The following WASHC3 variants were observed in gnomAD, a reference collection of about 807,000 sequenced individuals.
The protein encoded by WASHC3 is WASH complex subunit CCDC53.
A neutral mutation model predicts 26.1 loss-of-function variants in WASHC3; 24 were observed. That is an observed-to-expected ratio of 0.92 (90% CI 0.66 to 1.29). The LOEUF is 1.29. WASHC3 is among the 50% of genes most tolerant of loss of function. WASHC3 has a pLI of 0.00. For synonymous variants in WASHC3, 77 were observed against 75.7 expected (o/e 1.02, Z -0.09); for missense variants, 214 against 229.6 (o/e 0.93, Z 0.44).
Position 102,061,906 on chromosome 12 carries a change from A to G in WASHC3, c.51+6T>C. Reference sequence around the variant, plus strand: ...CGTCGGGAGTCTAGCACCGTCTTTTACAAACCTTGGTCAGGTCTATGCCTG... The same window carrying G: ...CGTCGGGAGTCTAGCACCGTCTTTTGCAAACCTTGGTCAGGTCTATGCCTG... On this transcript the variant is annotated splice_donor_region_variant and intron_variant, in intron 1 of 6. Coordinates refer to ENST00000240079, the MANE Select transcript of WASHC3 (RefSeq NM_016053.4). 6.3e-7 allele frequency: 1 copy of G among 1,595,742 alleles called. No homozygotes were observed. The highest frequency in any genetic ancestry group is 8.5e-7 in the Non-Finnish European group (1 of 1,170,338).
At chr12:102,039,796 A>G in intron 5 of WASHC3, 72 bp downstream of exon 5, 1 of 612,902 alleles carries the variant, frequency 1.6e-6, no homozygotes, top group East Asian at 2.8e-5. Context: ...GAAAAAAATA[A>G]CAGTAAAACC....
chr12:102,039,009 A>G (rs958477293), intron 5 of WASHC3, among the ~76,000 whole-genome samples: 2 of 151,944 alleles, frequency 1.3e-5, no homozygotes, highest in Non-Finnish European at 2.9e-5. Flanking sequence ...GCTGAAGTAC[A>G]GTGGCACAAT....
intron 2 of WASHC3, chr12:102,048,538 T>A (rs946755887): frequency 4.6e-5 from 7 of 151,860 alleles, no homozygotes; most frequent in Non-Finnish European, 1.0e-4. Context: ...GCATTCCAGC[T>A]TGGGCGACGA....
At chr12:102,025,085 T>G (rs1357328846) in intron 6 of WASHC3, among the ~76,000 whole-genome samples, 3 of 152,192 alleles carry the variant, frequency 2.0e-5, no homozygotes, top group African/African-American at 7.2e-5. Flanking sequence ...AAAGACTACT[T>G]CATAATGTTT....
chr12:102,061,995 C>CA, upstream of WASHC3: 1 of 1,569,640 alleles, frequency 6.4e-7, no homozygotes, highest in Non-Finnish European at 8.7e-7. Flanking sequence ...CGAGTTCACC[C>CA]ACAAACCCCT....
At chr12:102,037,537 G>A (rs186832039) in intron 5 of WASHC3, among the ~76,000 whole-genome samples, 15 of 152,264 alleles carry the variant, frequency 9.9e-5, no homozygotes, top group Non-Finnish European at 1.9e-4. Flanking sequence ...AGTGTTTCAG[G>A]CAGACAGAAC....
At chr12:102,052,610 G>T (rs1257830319) in intron 2 of WASHC3, among the ~76,000 whole-genome samples, 2 of 150,416 alleles carry the variant, frequency 1.3e-5, no homozygotes, top group Non-Finnish European at 3.0e-5. Context: ...GCCTCCATGG[G>T]CCCAAGGTTC....
intron 5 of WASHC3, among the ~76,000 whole-genome samples, chr12:102,038,526 T>TTTG (rs558742136): frequency 3.2e-4 from 48 of 152,092 alleles, no homozygotes; most frequent in Middle Eastern, 3.4e-3. Context: ...TGAAATAGTT[T>TTTG]TTGTTGTTGT....
chr12:102,054,673 T>G (rs1174272231), intron 2 of WASHC3, among the ~76,000 whole-genome samples: 1 of 152,160 alleles, frequency 6.6e-6, no homozygotes, highest in East Asian at 1.9e-4. Flanking sequence ...CAAAACAAAT[T>G]TTAATACATT....
intron 5 of WASHC3, among the ~76,000 whole-genome samples, chr12:102,035,462 T>A (rs760761603): frequency 1.3e-5 from 2 of 151,924 alleles, no homozygotes; most frequent in Non-Finnish European, 2.9e-5. Context: ...GAAGAAGGAG[T>A]GAATTTATAG....
intron 2 of WASHC3, among the ~76,000 whole-genome samples, chr12:102,054,700 G>A (rs971912463): frequency 5.9e-5 from 9 of 152,064 alleles, no homozygotes; most frequent in Non-Finnish European, 8.8e-5. Flanking sequence ...GACTGAAATC[G>A]TATCAAGTAT....
chr12:102,046,162 A>C, intron 2 of WASHC3, 43 bp from the exon 3 acceptor site: 1 of 1,134,782 alleles, frequency 8.8e-7, no homozygotes, highest in Non-Finnish European at 1.3e-6. Flanking sequence ...TAATTAAAAT[A>C]AACTGTTAAC....
chr12:102,062,114 C>A (rs561688717), upstream of WASHC3: 5 of 614,178 alleles, frequency 8.1e-6, no homozygotes, highest in Non-Finnish European at 1.4e-5. Context: ...ACTAATCACT[C>A]GGCGGCTTCC....
chr12:102,026,878 C>G (rs939210236), intron 5 of WASHC3, among the ~76,000 whole-genome samples: 1 of 152,108 alleles, frequency 6.6e-6, no homozygotes. Flanking sequence ...ATTCTATCTC[C>G]TTAAAGGAGG....
At chr12:102,057,015 C>T (rs1339061230) in intron 2 of WASHC3, among the ~76,000 whole-genome samples, 6 of 152,128 alleles carry the variant, frequency 3.9e-5, no homozygotes, top group Non-Finnish European at 5.9e-5. Flanking sequence ...CAAAAATCCT[C>T]TACAAAATAC....
rs1054395562 is a variant in WASHC3, at chr12:102,025,974, T to C, written c.500A>G (p.Glu167Gly). 2 of 1,445,330 alleles carry C rather than the reference T, an allele frequency of 1.4e-6. No homozygotes were observed. Among genetic ancestry groups the C allele is most frequent in the Admixed American group, 3.9e-5 (2 of 51,688 alleles). The allele number at this position is 1,445,330 out of a possible 1,614,324, so 89.5% of individuals were successfully genotyped here. ...TCATTATATTAGAAGAATTACTTAC[T>C]CAAGAAGATCTGGGTCTAGTCCTTC... is the stretch of plus-strand genomic sequence containing the variant. ...ISEGLDPDLL[E>G]RPDAPVPDGE... Residue 167 changes from glutamate (E) to glycine (G), a missense_variant and splice_region_variant, in exon 6 of 7, where the codon GAG (glutamate) becomes GGG (glycine). Coordinates refer to ENST00000240079, the MANE Select transcript of WASHC3 (RefSeq NM_016053.4).
chr12:102,039,151 T>A lies in WASHC3; in HGVS notation c.435+717A>T, dbSNP rs80309355. 4.8e-3 allele frequency among the ~76,000 whole-genome samples: 708 copies of A among 146,442 alleles called. 3 individuals are homozygous for A. Among genetic ancestry groups the A allele is most frequent in the East Asian group, 0.011 (56 of 5,028 alleles). ...AGGTTTTTTTTTTTTTTTTTTTTTT[T>A]AATGTAGAAGTAGGTGGTCTTGCTT... On this transcript the variant is annotated intron_variant, in intron 5 of 6. Coordinates refer to ENST00000240079, the MANE Select transcript of WASHC3 (RefSeq NM_016053.4).
At chr12:102,029,035 C>T (rs1877321248) in intron 5 of WASHC3, among the ~76,000 whole-genome samples, 1 of 152,074 alleles carries the variant, frequency 6.6e-6, no homozygotes, top group Admixed American at 6.5e-5. Context: ...CTATCACTAC[C>T]TTAATACGAA....
At chr12:102,026,409 G>T (rs944859729) in intron 5 of WASHC3, among the ~76,000 whole-genome samples, 13 of 152,096 alleles carry the variant, frequency 8.5e-5, no homozygotes, top group African/African-American at 2.9e-4. Context: ...AATATGAATA[G>T]GTATCTTTTC....
Sources: allele counts gnomAD v4.1 joint callset (sites outside exome capture counted in the v4.1 genomes callset), GRCh38; gene constraint gnomAD v4.1.1; transcripts MANE v1.5; gene names NCBI Gene and HGNC (gene_info 2026-07-23, HGNC 2026-07-21).